Variants in RNF149 observed in about 807,000 individuals in gnomAD.
RNF149 encodes the protein E3 ubiquitin-protein ligase RNF149.
RNF149 carries 21 observed loss-of-function variants against 39.0 expected under a neutral mutation model. The observed-to-expected ratio is 0.54, with a 90% CI of 0.38 to 0.77. The LOEUF (loss-of-function observed/expected upper bound fraction) is 0.77, where lower values mean the gene tolerates loss of function less well. Ranked by LOEUF, RNF149 falls within the 30% of genes least tolerant of loss-of-function variation. RNF149 has a pLI of 0.00. For synonymous variants in RNF149, 209 were observed against 213.6 expected (o/e 0.98, Z 0.19); for missense variants, 493 against 534.9 (o/e 0.92, Z 0.77).
intron 6 of RNF149, among the ~76,000 whole-genome samples, chr2:101,280,465 T>C (rs747851760): frequency 1.3e-5 from 2 of 152,102 alleles, no homozygotes; most frequent in Non-Finnish European, 2.9e-5. Context: ...AAGATTTAAA[T>C]GTAAAATACA....
At chr2:101,294,258 C>G in intron 2 of RNF149, 176 bp from the exon 3 acceptor site, 1 of 480,100 alleles carries the variant, frequency 2.1e-6, no homozygotes, top group East Asian at 3.5e-5. Flanking sequence ...TACTTTTGCA[C>G]CAACTTCATA....
chr2:101,304,465 G>C (rs145967407), intron 1 of RNF149, among the ~76,000 whole-genome samples: 101 of 152,218 alleles, frequency 6.6e-4, no homozygotes, highest in Non-Finnish European at 1.2e-3. Context: ...GTGCATACTG[G>C]AATTATATGA....
chr2:101,272,343 CTTT>C (rs1682161266), downstream of RNF149, among the ~76,000 whole-genome samples: 1 of 152,132 alleles, frequency 6.6e-6, no homozygotes, highest in African/African-American at 2.4e-5. Context: ...AGTGCAAATA[CTTT>C]TTTTCACAAC....
intron 3 of RNF149, among the ~76,000 whole-genome samples, chr2:101,293,152 CAA>C (rs1373412364): frequency 6.6e-6 from 1 of 150,876 alleles, no homozygotes; most frequent in East Asian, 1.9e-4. Context: ...AAAAAAAAAT[CAA>C]AAGTCTGTAA....
In RNF149 at chr2:101,308,675, G is replaced by T. The variant is rs1456325511; in HGVS notation, c.-87C>A. ...GAGCAGAGAGAAGCGGACACCCACC[G>T]CCGCCCTGGAAGACTGAGGCGGGGT... is the stretch of plus-strand genomic sequence containing the variant. On this transcript the variant is annotated 5_prime_UTR_variant, in exon 1 of 7. Coordinates refer to ENST00000295317, the MANE Select transcript of RNF149 (RefSeq NM_173647.4). 7 of 1,246,452 alleles carry T rather than the reference G, an allele frequency of 5.6e-6. No individual in the cohort carries two copies. The highest frequency in any genetic ancestry group is 4.8e-5 in the African/African-American group (3 of 62,292). 77.2% of individuals were successfully genotyped at this position (1,246,452 alleles called of 1,614,324 possible).
At chr2:101,281,267 G>A (rs1293938507) in intron 6 of RNF149, among the ~76,000 whole-genome samples, 21 of 152,006 alleles carry the variant, frequency 1.4e-4, no homozygotes, top group Admixed American at 1.4e-3. Flanking sequence ...AACATAGAAA[G>A]AGCTTCATAT....
downstream of RNF149, among the ~76,000 whole-genome samples, chr2:101,275,179 G>A (rs570133479): frequency 4.7e-3 from 585 of 124,908 alleles, 3 homozygotes; most frequent in Middle Eastern, 0.021. Context: ...GTGCAGTAGC[G>A]CAATCTTGGC....
Position 101,308,523 on chromosome 2 carries a change from G to A in RNF149, c.66C>T (p.Ala22=). 1 of 1,605,682 alleles carries A rather than the reference G, an allele frequency of 6.2e-7. No individual in the cohort carries two copies. Among genetic ancestry groups the A allele is most frequent in the Non-Finnish European group, 8.5e-7 (1 of 1,177,606 alleles). ...GGGCCCCGGGCACGCACAGGGCCAG[G>A]GCGAGCAACGCCAGAGCCAACACGC... The part of the protein sequence containing the change: ...ARGVLALALL[A]LALCVPGARG... The change falls in exon 1 of 7, where the codon GCC becomes GCT. Residue 22 remains alanine (A), a synonymous_variant. Transcript: ENST00000295317.
In RNF149 at chr2:101,281,960, C is replaced by T; in HGVS notation, c.1058G>A (p.Gly353Glu). The T allele has an allele frequency of 6.2e-7, 1 of 1,614,088 alleles. No individual in the cohort carries two copies. Among genetic ancestry groups the T allele is most frequent in the Non-Finnish European group, 8.5e-7 (1 of 1,180,004 alleles). ...NLSLALPDDDGSDDSSPPSAS... is the reference protein window; with the variant it reads ...NLSLALPDDDESDDSSPPSAS... ...TGATGGTGGACTGCTGTCATCACTTCCGTCATCATCTGGTAAAGCTAGACT... is the reference window on the plus strand; with the variant it reads ...TGATGGTGGACTGCTGTCATCACTTTCGTCATCATCTGGTAAAGCTAGACT... The change falls in exon 6 of 7, where the codon GGA (glycine) becomes GAA (glutamate). Residue 353 changes from glycine (G) to glutamate (E), a missense_variant. Coordinates refer to ENST00000295317, the MANE Select transcript of RNF149 (RefSeq NM_173647.4).
chr2:101,305,528 T>C (rs993744830), intron 1 of RNF149, among the ~76,000 whole-genome samples: 5 of 152,218 alleles, frequency 3.3e-5, no homozygotes, highest in African/African-American at 1.2e-4. Flanking sequence ...TTCAAAATGT[T>C]GGATAATTTT....
intron 1 of RNF149, among the ~76,000 whole-genome samples, chr2:101,300,417 G>A (rs902558386): frequency 8.5e-5 from 13 of 152,174 alleles, no homozygotes; most frequent in African/African-American, 2.9e-4. Flanking sequence ...CAAGTATCAG[G>A]ACACCCTGCA....
At position 101,276,822 on chromosome 2, in the gene RNF149, C is replaced by A; in HGVS notation, c.*416G>T. ...TTCCTCCAGGGAAAGCCCATGAGAT[C>A]AATTATCGAATTGAATTATACAATT... is the stretch of plus-strand genomic sequence containing the variant. On this transcript the variant is annotated 3_prime_UTR_variant, in exon 7 of 7. Transcript: ENST00000295317. 1 of 989,706 alleles carries A rather than the reference C, an allele frequency of 1.0e-6. No individual in the cohort carries two copies. The highest frequency in any genetic ancestry group is 1.2e-6 in the Non-Finnish European group (1 of 832,432). 61.3% of individuals were successfully genotyped at this position (989,706 alleles called of 1,614,324 possible).
intron 1 of RNF149, among the ~76,000 whole-genome samples, chr2:101,298,792 A>G (rs1350846592): frequency 6.6e-6 from 1 of 152,220 alleles, no homozygotes; most frequent in East Asian, 1.9e-4. Flanking sequence ...TTCGGGATGC[A>G]GGACAGGCTG....
chr2:101,286,895 C>A (rs1305509125), intron 4 of RNF149, among the ~76,000 whole-genome samples: 1 of 152,202 alleles, frequency 6.6e-6, no homozygotes, highest in African/African-American at 2.4e-5. Flanking sequence ...CTGCCCCACA[C>A]CAGGGTTAGA....
intron 6 of RNF149, chr2:101,281,570 T>G: frequency 2.8e-6 from 1 of 360,722 alleles, no homozygotes; most frequent in East Asian, 5.9e-5. Flanking sequence ...GACAGGATCA[T>G]AGCTCACTGC....
rs1475915264 is a variant in RNF149, at chr2:101,275,984, A to C, written c.*1254T>G. The C allele has an allele frequency of 4.2e-6, 4 of 949,550 alleles. No homozygotes were observed. Among genetic ancestry groups the C allele is most frequent in the Non-Finnish European group, 5.0e-6 (4 of 797,456 alleles). The allele number at this position is 949,550 out of a possible 1,614,324, so 58.8% of individuals were successfully genotyped here. On this transcript the variant is annotated 3_prime_UTR_variant, in exon 7 of 7. Transcript: ENST00000295317. ...TTTCAGTAAAACTGTTTACTATTTC[A>C]TGATGAGTAGCTAGAATTAAAGCAT... is the stretch of plus-strand genomic sequence containing the variant.
chr2:101,289,018 A>G lies in RNF149; in HGVS notation c.818T>C (p.Ile273Thr). ...DVDAENCAVCIENFKVKDIIR... is the reference protein window; with the variant it reads ...DVDAENCAVCTENFKVKDIIR... ...AATATCCTTTACTTTGAAATTTTCAATACACACTGCACAATTTTCAGCATC... is the reference window on the plus strand; with the variant it reads ...AATATCCTTTACTTTGAAATTTTCAGTACACACTGCACAATTTTCAGCATC... Residue 273 changes from isoleucine to threonine, a missense_variant, in exon 4 of 7, where the codon ATT becomes ACT. Ile to Thr is a moderately conservative substitution (Grantham distance 89). Coordinates refer to ENST00000295317, the MANE Select transcript of RNF149 (RefSeq NM_173647.4). 6.3e-7 allele frequency: 1 copy of G among 1,595,354 alleles called. No individual in the cohort carries two copies. The highest frequency in any genetic ancestry group is 8.6e-7 in the Non-Finnish European group (1 of 1,164,182).
rs375022589 is a variant in RNF149, at chr2:101,302,250, G to A, written c.460+5879C>T. Among the ~76,000 whole-genome samples the A allele has an allele frequency of 6.6e-5, 10 of 152,278 alleles. No homozygotes were observed. In the East Asian group the frequency reaches 1.2e-3, roughly 18 times the overall value. On this transcript the variant is annotated intron_variant, in intron 1 of 6. Transcript: ENST00000295317. ...TGACGGCCCATAAAAAGGCTGCTAC[G>A]TGAATGAATCAATCTGAAAAACTGG...
chr2:101,306,593 C>A (rs1460733899), intron 1 of RNF149, among the ~76,000 whole-genome samples: 2 of 152,188 alleles, frequency 1.3e-5, no homozygotes. Context: ...CTGGACTCAG[C>A]CTTCTTGCCT....
Sources: allele counts gnomAD v4.1 joint callset (sites outside exome capture counted in the v4.1 genomes callset), GRCh38; gene constraint gnomAD v4.1.1; transcripts MANE v1.5; gene names NCBI Gene and HGNC (gene_info 2026-07-23, HGNC 2026-07-21).